The following RTN1 variants were observed in gnomAD, a reference collection of about 807,000 sequenced individuals.
RTN1 encodes reticulon-1.
Under a neutral mutation model 65.5 loss-of-function variants are expected in RTN1, and 25 were observed. That is an observed-to-expected ratio of 0.38 (90% confidence interval 0.28 to 0.53). The LOEUF (loss-of-function observed/expected upper bound fraction) is 0.53, where lower values mean the gene tolerates loss of function less well. Among genes scored for constraint, RTN1 ranks in the 20% least tolerant of loss-of-function variants. RTN1 has a pLI of 0.79. For synonymous variants in RTN1, 471 were observed against 447.6 expected (o/e 1.05, Z -0.66); for missense variants, 983 against 1,025.4 (o/e 0.96, Z 0.57).
rs574333728 is a variant in RTN1 at position 59,706,168 on chromosome 14, G to A, written c.1765+20751C>T. On this transcript the variant is annotated intron_variant, in intron 3 of 8. Transcript: ENST00000267484. Reference sequence around the variant, plus strand: ...TTCTCTCAACTATTCTTCTTTACCTGCATAAGACAAACTTTGTTTGCAGTA... The same window carrying A: ...TTCTCTCAACTATTCTTCTTTACCTACATAAGACAAACTTTGTTTGCAGTA... 1.6e-4 allele frequency among the ~76,000 whole-genome samples: 25 copies of A among 152,260 alleles called. No individual in the cohort carries two copies. In the South Asian group the frequency reaches 5.2e-3, roughly 32 times the overall value.
chr14:59,727,415 C>A lies in RTN1; in HGVS notation c.1269G>T (p.Ala423=), dbSNP rs1594703678. The A allele has an allele frequency of 2.6e-6, 4 of 1,549,828 alleles. No individual in the cohort carries two copies. In the East Asian group the frequency reaches 7.3e-5, roughly 28 times the overall value. Residue 423 remains alanine, a synonymous_variant, in exon 3 of 9, where the codon GCG becomes GCT. Transcript: ENST00000267484. The surrounding 1 kb of genome is among the most constrained non-coding windows in gnomAD (Gnocchi z 4.2). ...IELVSEDPMA[A]EDALPSGYVS... is the part of the protein sequence containing the mutation. ...CATAGCCTGAGGGCAGCGCGTCCTC[C>A]GCGGCCATGGGGTCCTCGGACACCA...
chr14:59,726,889 A>T, intron 3 of RTN1, 30 bp downstream of exon 3: 1 of 1,579,838 alleles, frequency 6.3e-7, no homozygotes, highest in Non-Finnish European at 8.6e-7. Context: ...GGAGGACACT[A>T]ACCAAGCATC....
intron 3 of RTN1, among the ~76,000 whole-genome samples, chr14:59,633,834 G>A (rs1038436198): frequency 1.3e-5 from 2 of 152,202 alleles, no homozygotes; most frequent in African/African-American, 2.4e-5. Flanking sequence ...CCCAGGTCAA[G>A]ATTAATATTG....
At chr14:59,864,519 C>T (rs1887764332) in intron 1 of RTN1, among the ~76,000 whole-genome samples, 1 of 151,460 alleles carries the variant, frequency 6.6e-6, no homozygotes. Flanking sequence ...GTCTCTGTTG[C>T]CCTTCCTTAC....
intron 3 of RTN1, among the ~76,000 whole-genome samples, chr14:59,669,922 C>T (rs1410163284): frequency 6.6e-6 from 1 of 152,202 alleles, no homozygotes; most frequent in African/African-American, 2.4e-5. Context: ...TCCAGAGCAA[C>T]AAAATCTTCT....
At position 59,727,159 on chromosome 14, in the gene RTN1, G is replaced by A. The variant is rs780628674; in HGVS notation, c.1525C>T (p.Arg509Cys). 7.5e-6 allele frequency: 12 copies of A among 1,596,122 alleles called. No homozygotes were observed. The South Asian group carries it at 7.9e-5, about 10-fold the overall frequency. Reference sequence around the variant, plus strand: ...GCCAGGCCCCGCCGGCTTGGCGCACGCTCCTCGGCCCGGACGCCAGTCTCC... The same window carrying A: ...GCCAGGCCCCGCCGGCTTGGCGCACACTCCTCGGCCCGGACGCCAGTCTCC... ...REETGVRAEE[R>C]APSRRGLAEP... Residue 509 changes from arginine (R) to cysteine (C), a missense_variant, in exon 3 of 9, where the codon CGT (arginine) becomes TGT (cysteine). Physicochemically the swap from Arg to Cys is radical, Grantham distance 180. Transcript: ENST00000267484. The surrounding 1 kb of genome is among the most constrained non-coding windows in gnomAD (Gnocchi z 4.2).
chr14:59,675,204 T>C (rs1883598738), intron 3 of RTN1, among the ~76,000 whole-genome samples: 1 of 152,056 alleles, frequency 6.6e-6, no homozygotes, highest in Non-Finnish European at 1.5e-5. Flanking sequence ...TTTCCTGGAA[T>C]AAATAGTGTC....
chr14:59,843,907 A>C (rs1254147597), intron 1 of RTN1, among the ~76,000 whole-genome samples: 4 of 152,206 alleles, frequency 2.6e-5, no homozygotes, highest in African/African-American at 9.6e-5. Context: ...CACTAGGGGA[A>C]AAAAGAGATT....
At chr14:59,866,000 A>G (rs374379783) in intron 1 of RTN1, among the ~76,000 whole-genome samples, 4 of 152,234 alleles carry the variant, frequency 2.6e-5, no homozygotes, top group African/African-American at 7.2e-5. Context: ...CTGTGCTCAT[A>G]TTTACTTATC....
intron 2 of RTN1, among the ~76,000 whole-genome samples, chr14:59,731,545 A>T (rs1416236771): frequency 6.6e-6 from 1 of 152,190 alleles, no homozygotes; most frequent in African/African-American, 2.4e-5. Context: ...TTGAATCTAA[A>T]CTTGGATTGT....
At chr14:59,751,625 C>T (rs2147831) in intron 1 of RTN1, among the ~76,000 whole-genome samples, 70,403 of 151,948 alleles carry the variant, frequency 0.46, 18,250 homozygotes, top group African/African-American at 0.7. Context: ...GAAGACATAG[C>T]AGGTGGTTTA....
At position 59,829,148 on chromosome 14, in the gene RTN1, C is replaced by T. The variant is rs1887083436; in HGVS notation, c.241+41242G>A. On this transcript the variant is annotated intron_variant, in intron 1 of 8. Transcript: ENST00000267484. This position sits in a 1 kb window ranked among gnomAD's most constrained non-coding sequence, Gnocchi z 4.3. ...AAAAGGCAACTACACAGCAATACACCGTTCATTAATTAACATTTTAAAGTG... is the reference window on the plus strand; with the variant it reads ...AAAAGGCAACTACACAGCAATACACTGTTCATTAATTAACATTTTAAAGTG... Among the ~76,000 whole-genome samples, 4 of 152,100 alleles carry T rather than the reference C, an allele frequency of 2.6e-5. No individual in the cohort carries two copies. In the South Asian group the frequency reaches 8.3e-4, roughly 31 times the overall value.
At chr14:59,822,987 G>A (rs1470472034) in intron 1 of RTN1, among the ~76,000 whole-genome samples, 1 of 152,028 alleles carries the variant, frequency 6.6e-6, no homozygotes, top group East Asian at 1.9e-4. Context: ...GTTGCTGTTG[G>A]GTGGAGTATT....
In RTN1 at chr14:59,596,360, T is replaced by G. The variant is rs1490016246; in HGVS notation, c.*385A>C. On this transcript the variant is annotated 3_prime_UTR_variant, in exon 9 of 9. Transcript: ENST00000267484. ...GCAACCCAAGGACATATAAGCGATT[T>G]CCACTATTGCATCAGAGCACTCGGC... 6.1e-6 allele frequency: 1 copy of G among 163,510 alleles called. No homozygotes were observed. Among genetic ancestry groups the G allele is most frequent in the Non-Finnish European group, 1.3e-5 (1 of 75,152 alleles). The allele number at this position is 163,510 out of a possible 1,614,324, so 10.1% of individuals were successfully genotyped here. A position where few individuals can be genotyped will look rare whatever the true frequency, so the allele number is the denominator to read the frequency against.
chr14:59,700,521 A>G (rs2139447253), intron 3 of RTN1, among the ~76,000 whole-genome samples: 1 of 152,326 alleles, frequency 6.6e-6, no homozygotes, highest in Non-Finnish European at 1.5e-5. Flanking sequence ...GCATAAGTCT[A>G]GACAATAAAT....
intron 1 of RTN1, among the ~76,000 whole-genome samples, chr14:59,787,391 G>T (rs767371640): frequency 6.6e-6 from 1 of 152,160 alleles, no homozygotes; most frequent in Non-Finnish European, 1.5e-5. Context: ...TGTGAAAATA[G>T]TACCAGTCTC....
At chr14:59,864,090 C>T (rs1406114587) in intron 1 of RTN1, among the ~76,000 whole-genome samples, 1 of 152,178 alleles carries the variant, frequency 6.6e-6, no homozygotes, top group East Asian at 1.9e-4. Context: ...TAAAACTGAA[C>T]TCTAAATATG....
At chr14:59,691,041 A>G (rs1264858416) in intron 3 of RTN1, among the ~76,000 whole-genome samples, 1 of 152,104 alleles carries the variant, frequency 6.6e-6, no homozygotes, top group Non-Finnish European at 1.5e-5. Context: ...AAAAGTGAGA[A>G]CAAAGTAACC....
At chr14:59,633,347 A>C (rs1244405935) in intron 3 of RTN1, among the ~76,000 whole-genome samples, 1 of 152,226 alleles carries the variant, frequency 6.6e-6, no homozygotes, top group Non-Finnish European at 1.5e-5. Context: ...AAAACTAGGA[A>C]TCACCTGTAT....
Sources: allele counts gnomAD v4.1 joint callset (sites outside exome capture counted in the v4.1 genomes callset), GRCh38; gene constraint gnomAD v4.1.1; non-coding constraint Gnocchi (gnomAD v3.1); transcripts MANE v1.5; gene names NCBI Gene and HGNC (gene_info 2026-07-23, HGNC 2026-07-21).